Variants in GALNT10 observed in about 807,000 individuals in gnomAD.
GALNT10 encodes the protein polypeptide N-acetylgalactosaminyltransferase 10.
A neutral mutation model predicts 75.0 loss-of-function variants in GALNT10; 41 were observed. The observed-to-expected ratio is 0.55, with a 90% CI of 0.43 to 0.71. The LOEUF is 0.71. Among genes scored for constraint, GALNT10 ranks in the 30% least tolerant of loss-of-function variants. The pLI is 0.00. For synonymous variants in GALNT10, 302 were observed against 313.0 expected (o/e 0.96, Z 0.37); for missense variants, 727 against 818.5 (o/e 0.89, Z 1.36).
intron 1 of GALNT10, among the ~76,000 whole-genome samples, chr5:154,215,265 G>A (rs1366634203): frequency 1.3e-5 from 2 of 152,160 alleles, no homozygotes; most frequent in Admixed American, 1.3e-4. Flanking sequence ...GGCGGATCAC[G>A]AAGTCAAGAG....
intron 4 of GALNT10, among the ~76,000 whole-genome samples, chr5:154,336,471 G>T (rs1754947221): frequency 6.6e-6 from 1 of 152,160 alleles, no homozygotes; most frequent in Admixed American, 6.5e-5. Context: ...GAGAGTTCCT[G>T]CTGTTCCACC....
intron 7 of GALNT10, among the ~76,000 whole-genome samples, chr5:154,396,722 A>C (rs1289740995): frequency 6.6e-6 from 1 of 152,214 alleles, no homozygotes; most frequent in Non-Finnish European, 1.5e-5. Flanking sequence ...TAAAGTAACC[A>C]TCTCGCCCTT....
At position 154,217,964 on chromosome 5, in the gene GALNT10, T is replaced by C. The variant is rs770652152; in HGVS notation, c.159+26939T>C. On this transcript the variant is annotated intron_variant, in intron 1 of 11. Transcript: ENST00000297107. ...CCCTGATTGGACCTGAATAAAAATG[T>C]TGGGGTAGGGATAGAAGAAAGGGAA... The C allele has an allele frequency of 2.8e-4, 274 of 971,172 alleles. 1 individual carries two copies. The highest frequency in any genetic ancestry group is 3.4e-4 in the East Asian group (3 of 8,750). The allele number at this position is 971,172 out of a possible 1,614,324, so 60.2% of individuals were successfully genotyped here.
At chr5:154,349,001 A>G (rs188281478) in intron 4 of GALNT10, among the ~76,000 whole-genome samples, 48 of 152,304 alleles carry the variant, frequency 3.2e-4, no homozygotes, top group African/African-American at 1.1e-3. Flanking sequence ...AGTATTATCT[A>G]AAGTACGGGT....
At chr5:154,403,211 G>A (rs1247394035) in intron 7 of GALNT10, among the ~76,000 whole-genome samples, 2 of 151,822 alleles carry the variant, frequency 1.3e-5, no homozygotes, top group Admixed American at 6.6e-5. Context: ...AGGAGGGTCT[G>A]TGTAGGCCAA....
chr5:154,296,698 G>A (rs1156393336), intron 2 of GALNT10, among the ~76,000 whole-genome samples: 1 of 152,144 alleles, frequency 6.6e-6, no homozygotes, highest in Non-Finnish European at 1.5e-5. Context: ...TGGTAGGGCT[G>A]GCCTTGGAAC....
At position 154,420,107 on chromosome 5, in the gene GALNT10, A is replaced by G. The variant is rs994134588; in HGVS notation, c.*3135A>G. On this transcript the variant is annotated 3_prime_UTR_variant, in exon 12 of 12. Coordinates refer to ENST00000297107, the MANE Select transcript of GALNT10 (RefSeq NM_198321.4). The stretch of plus-strand genomic sequence containing the variant: ...TCTTCTGCCTCCAGTTGGAGCTTTC[A>G]GCTGTTAAAACAGTCAGAAACTATT... 2.0e-5 allele frequency: 3 copies of G among 152,242 alleles called. No individual in the cohort carries two copies. Among genetic ancestry groups the G allele is most frequent in the Non-Finnish European group, 4.4e-5 (3 of 68,052 alleles). 9.4% of individuals were successfully genotyped at this position (152,242 alleles called of 1,614,324 possible).
chr5:154,410,580 A>G (rs1756378592), intron 9 of GALNT10, among the ~76,000 whole-genome samples: 3 of 152,186 alleles, frequency 2.0e-5, no homozygotes, highest in African/African-American at 4.8e-5. Context: ...GGGTTGCCCT[A>G]TCTTTCCCTT....
chr5:154,400,003 T>C (rs1042209156), intron 7 of GALNT10, among the ~76,000 whole-genome samples: 1 of 151,854 alleles, frequency 6.6e-6, no homozygotes, highest in Non-Finnish European at 1.5e-5. Flanking sequence ...CCAGGTATGG[T>C]GGCACACACC....
intron 1 of GALNT10, among the ~76,000 whole-genome samples, chr5:154,273,669 A>G (rs775028109): frequency 2.0e-5 from 3 of 152,196 alleles, no homozygotes; most frequent in Admixed American, 6.5e-5. Context: ...GGTTGGGAGT[A>G]GGGAGAAATT....
chr5:154,245,629 T>A (rs916453649), intron 1 of GALNT10, among the ~76,000 whole-genome samples: 1 of 152,010 alleles, frequency 6.6e-6, no homozygotes, highest in Non-Finnish European at 1.5e-5. Flanking sequence ...AATACATTAA[T>A]ATATGTAAGC....
intron 7 of GALNT10, among the ~76,000 whole-genome samples, chr5:154,401,094 C>T (rs1756151244): frequency 6.6e-6 from 1 of 152,166 alleles, no homozygotes; most frequent in South Asian, 2.1e-4. Context: ...TCAAGCCTCC[C>T]GACATATCAG....
chr5:154,206,629 T>C (rs967279618), intron 1 of GALNT10, among the ~76,000 whole-genome samples: 1 of 152,240 alleles, frequency 6.6e-6, no homozygotes, highest in Admixed American at 6.5e-5. Flanking sequence ...GTTAAAACTT[T>C]AGCAAAGTGT....
At chr5:154,234,922 C>G (rs1753221735) in intron 1 of GALNT10, among the ~76,000 whole-genome samples, 1 of 152,208 alleles carries the variant, frequency 6.6e-6, no homozygotes, top group South Asian at 2.1e-4. Context: ...GGAGAGTGGA[C>G]TAGACACCCT....
At chr5:154,269,710 C>T (rs1753833039) in intron 1 of GALNT10, among the ~76,000 whole-genome samples, 1 of 152,130 alleles carries the variant, frequency 6.6e-6, no homozygotes, top group Non-Finnish European at 1.5e-5. Context: ...GGCTGGTGGG[C>T]AGAGAACAGT....
intron 4 of GALNT10, among the ~76,000 whole-genome samples, chr5:154,373,235 G>A (rs755033390): frequency 7.2e-5 from 11 of 152,146 alleles, no homozygotes; most frequent in Non-Finnish European, 8.8e-5. Context: ...TGAAGCTGGC[G>A]TAAATCTGAG....
intron 1 of GALNT10, among the ~76,000 whole-genome samples, chr5:154,276,338 G>A (rs1753950548): frequency 6.6e-6 from 1 of 152,038 alleles, no homozygotes; most frequent in Admixed American, 6.5e-5. Flanking sequence ...CCCATACATG[G>A]CCCCCTTGAT....
chr5:154,193,717 T>C (rs1026717500), intron 1 of GALNT10, among the ~76,000 whole-genome samples: 7 of 152,240 alleles, frequency 4.6e-5, no homozygotes, highest in African/African-American at 1.7e-4. Flanking sequence ...GAGAGTAACA[T>C]ATCCACTACT....
intron 1 of GALNT10, among the ~76,000 whole-genome samples, chr5:154,252,939 CT>C (rs1344858822): frequency 7.4e-6 from 1 of 134,352 alleles, no homozygotes; most frequent in African/African-American, 2.7e-5. Flanking sequence ...AAATTTTTAT[CT>C]GCTTTCACTT....
Sources: gnomAD v4.1 joint callset for allele counts (sites outside exome capture counted in the v4.1 genomes callset) on GRCh38, gnomAD v4.1.1 for gene constraint, MANE v1.5 for transcripts, NCBI Gene and HGNC (gene_info 2026-07-23, HGNC 2026-07-21) for gene names.